The following CDH13 variants were observed in gnomAD, a reference collection of about 807,000 sequenced individuals.
CDH13 encodes cadherin-13.
In CDH13, 24 loss-of-function variants were observed where a neutral mutation model predicts 63.8. The observed-to-expected ratio is 0.38, with a 90% CI of 0.27 to 0.53. CDH13 has a LOEUF of 0.53. CDH13 is among the 20% of genes least tolerant of loss of function. The pLI, the probability that CDH13 is intolerant of heterozygous loss-of-function variation, is 0.85. For synonymous variants in CDH13, 503 were observed against 355.3 expected, an observed-to-expected ratio of 1.42 and a Z score of -4.67; for missense variants, 1,049 against 903.1, an observed-to-expected ratio of 1.16 and a Z score of -2.07.
intron 7 of CDH13, among the ~76,000 whole-genome samples, chr16:83,575,758 C>A (rs1391000107): frequency 2.0e-5 from 3 of 152,262 alleles, no homozygotes; most frequent in Admixed American, 2.0e-4. Context: ...TGCACCCGAA[C>A]CTCTTCAGCT....
At chr16:82,913,674 A>C (rs1265790635) in intron 2 of CDH13, among the ~76,000 whole-genome samples, 1 of 152,082 alleles carries the variant, frequency 6.6e-6, no homozygotes, top group Non-Finnish European at 1.5e-5. Context: ...CAGAGTAAGG[A>C]GTGCATGGGG....
chr16:83,214,777 G>A (rs946850978), intron 4 of CDH13, among the ~76,000 whole-genome samples: 6 of 152,014 alleles, frequency 3.9e-5, no homozygotes, highest in African/African-American at 1.4e-4. Context: ...CCTCGGCAAT[G>A]CTGGGAAGTA....
intron 5 of CDH13, among the ~76,000 whole-genome samples, chr16:83,322,942 T>C (rs1464219455): frequency 6.6e-6 from 1 of 152,112 alleles, no homozygotes; most frequent in Non-Finnish European, 1.5e-5. Context: ...GACTTTTAAT[T>C]CTGAGAAACC....
At chr16:83,329,641 C>T (rs985508568) in intron 5 of CDH13, among the ~76,000 whole-genome samples, 2 of 152,102 alleles carry the variant, frequency 1.3e-5, no homozygotes, top group Non-Finnish European at 2.9e-5. Flanking sequence ...TCTCCGGAAC[C>T]TTTTCATCTT....
At chr16:83,015,491 A>G (rs1029890744) in intron 2 of CDH13, among the ~76,000 whole-genome samples, 4 of 151,478 alleles carry the variant, frequency 2.6e-5, no homozygotes, top group Admixed American at 6.6e-5. Flanking sequence ...TGGTGATAGT[A>G]TCTGAAAATC....
chr16:83,646,703 A>AC (rs1169792722), intron 8 of CDH13, among the ~76,000 whole-genome samples: 13 of 58,872 alleles, frequency 2.2e-4, no homozygotes, highest in African/African-American at 8.6e-4. Flanking sequence ...AAAAAAAAAA[A>AC]AAAAAAAAAA....
At chr16:83,091,152 T>C (rs928140535) in intron 3 of CDH13, among the ~76,000 whole-genome samples, 2 of 152,170 alleles carry the variant, frequency 1.3e-5, no homozygotes, top group Admixed American at 6.5e-5. Context: ...AATATTTTAG[T>C]GATCTCCTTC....
At chr16:83,645,897 T>C (rs1039288638) in intron 8 of CDH13, among the ~76,000 whole-genome samples, 6 of 151,992 alleles carry the variant, frequency 3.9e-5, no homozygotes, top group East Asian at 1.9e-4. Context: ...GAGACGAAAA[T>C]TGAGGTGAAA....
At chr16:83,170,795 T>A (rs2037881881) in intron 4 of CDH13, among the ~76,000 whole-genome samples, 1 of 152,126 alleles carries the variant, frequency 6.6e-6, no homozygotes, top group South Asian at 2.1e-4. Flanking sequence ...ATGGGAGATG[T>A]AGGCATGTGC....
rs147900805 is a variant in CDH13, at chr16:83,717,515, C to T, written c.1539-30593C>T. Among the ~76,000 whole-genome samples the T allele has an allele frequency of 5.9e-4, 90 of 152,356 alleles. 1 individual carries two copies. In the South Asian group the frequency reaches 0.013, roughly 22 times the overall value. On this transcript the variant is annotated intron_variant, in intron 10 of 13. Transcript: ENST00000567109. ...AGGCCCAGGCCATCCTGCTGAAGGA[C>T]GACACCATCAGGAAGAAACAGGTAG...
intron 2 of CDH13, among the ~76,000 whole-genome samples, chr16:83,022,545 G>A (rs900378116): frequency 6.6e-6 from 1 of 152,182 alleles, no homozygotes; most frequent in East Asian, 1.9e-4. Context: ...GCTACAACTC[G>A]AGACTTTTTC....
chr16:83,116,879 A>G (rs1167133403), intron 3 of CDH13, among the ~76,000 whole-genome samples: 2 of 152,186 alleles, frequency 1.3e-5, no homozygotes, highest in African/African-American at 4.8e-5. Flanking sequence ...TCAGATTTGC[A>G]TTGTGGGAGG....
chr16:82,807,166 C>A (rs1157669095), intron 1 of CDH13, among the ~76,000 whole-genome samples: 8 of 151,744 alleles, frequency 5.3e-5, no homozygotes, highest in Non-Finnish European at 1.2e-4. Flanking sequence ...TCCACACAAC[C>A]AGTGTTCCAA....
intron 6 of CDH13, among the ~76,000 whole-genome samples, chr16:83,352,333 T>A (rs1397931226): frequency 6.6e-6 from 1 of 152,188 alleles, no homozygotes; most frequent in African/African-American, 2.4e-5. Context: ...ACCTAGTCGT[T>A]CAAGAGGAAA....
At position 83,097,952 on chromosome 16, in the gene CDH13, T is replaced by C. The variant is rs540984464; in HGVS notation, c.367-27433T>C. On this transcript the variant is annotated intron_variant, in intron 3 of 13. Coordinates refer to ENST00000567109, the MANE Select transcript of CDH13 (RefSeq NM_001257.5). ...CTCTGTACTAGCTTAAAGGTAACTTTTGAAAAAAAAAATTTTATAATGCCT... is the reference window on the plus strand; with the variant it reads ...CTCTGTACTAGCTTAAAGGTAACTTCTGAAAAAAAAAATTTTATAATGCCT... 2.0e-5 allele frequency among the ~76,000 whole-genome samples: 3 copies of C among 152,184 alleles called. 1 individual carries two copies. In the South Asian group the frequency reaches 6.2e-4, roughly 32 times the overall value.
chr16:82,914,152 C>G (rs966068144), intron 2 of CDH13, among the ~76,000 whole-genome samples: 1 of 152,120 alleles, frequency 6.6e-6, no homozygotes, highest in Non-Finnish European at 1.5e-5. Context: ...CAAGGTCCTG[C>G]TAGATCCTTC....
intron 8 of CDH13, 90 bp from the exon 9 acceptor site, chr16:83,670,700 A>G: frequency 1.9e-6 from 2 of 1,057,674 alleles, no homozygotes; most frequent in African/African-American, 1.6e-5. Flanking sequence ...TTTAAGTGAG[A>G]TGATGTGTGT....
At chr16:82,733,200 A>C (rs371343770) in intron 1 of CDH13, among the ~76,000 whole-genome samples, 1 of 152,196 alleles carries the variant, frequency 6.6e-6, no homozygotes, top group Non-Finnish European at 1.5e-5. Context: ...TTACATATGC[A>C]GACAAGTGAG....
chr16:82,686,351 A>G (rs1915068636), intron 1 of CDH13, among the ~76,000 whole-genome samples: 1 of 152,218 alleles, frequency 6.6e-6, no homozygotes, highest in South Asian at 2.1e-4. Flanking sequence ...CTAGAACACA[A>G]TCACCAGTTA....
Sources: allele counts gnomAD v4.1 joint callset (sites outside exome capture counted in the v4.1 genomes callset), GRCh38; gene constraint gnomAD v4.1.1; transcripts MANE v1.5; gene names NCBI Gene and HGNC (gene_info 2026-07-23, HGNC 2026-07-21).